FTO: variants seen among roughly 807,000 people sequenced by gnomAD.
FTO encodes alpha-ketoglutarate-dependent dioxygenase FTO.
FTO carries 47 observed loss-of-function variants against 63.9 expected under a neutral mutation model. That is an observed-to-expected ratio of 0.74 (90% CI 0.58 to 0.94). The LOEUF (loss-of-function observed/expected upper bound fraction) is 0.94, where lower values mean the gene tolerates loss of function less well. Ranked by LOEUF, FTO falls within the 40% of genes least tolerant of loss-of-function variation. FTO has a pLI of 0.00. For missense variants in FTO, 562 were observed against 618.1 expected (o/e 0.91, Z 0.96); for synonymous variants, 207 against 224.4 (o/e 0.92, Z 0.69).
At chr16:53,941,628 C>T (rs950091836) in intron 8 of FTO, among the ~76,000 whole-genome samples, 1 of 152,076 alleles carries the variant, frequency 6.6e-6, no homozygotes, top group Admixed American at 6.5e-5. Context: ...GGGCAGATTG[C>T]TTGAGCTCAG....
At chr16:53,805,573 T>G (rs562522442) in intron 1 of FTO, among the ~76,000 whole-genome samples, 1 of 151,486 alleles carries the variant, frequency 6.6e-6, no homozygotes. Context: ...CTCAGCCTCC[T>G]GAGTTGCTGG....
intron 8 of FTO, among the ~76,000 whole-genome samples, chr16:54,072,735 C>A (rs2540767): frequency 0.15 from 23,084 of 152,056 alleles, 2,255 homozygotes; most frequent in African/African-American, 0.28. Flanking sequence ...TCACACTGTC[C>A]CCCATCCTAT....
Position 53,862,650 on chromosome 16 carries a change from C to T in FTO, c.896-11136C>T, listed in dbSNP as rs547305812. 2.6e-3 allele frequency among the ~76,000 whole-genome samples: 392 copies of T among 151,542 alleles called. 1 individual carries two copies. The highest frequency in any genetic ancestry group is 8.9e-3 in the African/African-American group (366 of 41,258). ...TCCCAGGTTCAAGCAATTCTCCTGC[C>T]TCTGCCTCCCGAGTAGTTGGGATTA... is the stretch of plus-strand genomic sequence containing the variant. On this transcript the variant is annotated intron_variant, in intron 4 of 8. Coordinates refer to ENST00000471389, the MANE Select transcript of FTO (RefSeq NM_001080432.3).
intron 8 of FTO, among the ~76,000 whole-genome samples, chr16:53,965,542 G>A (rs2083179455): frequency 6.6e-6 from 1 of 152,176 alleles, no homozygotes; most frequent in Non-Finnish European, 1.5e-5. Flanking sequence ...TGGGGATGGA[G>A]GAGAGGTGTC....
At chr16:53,726,171 T>C (rs1413245680) in intron 1 of FTO, among the ~76,000 whole-genome samples, 2 of 68,816 alleles carry the variant, frequency 2.9e-5, no homozygotes, top group Admixed American at 2.3e-4. Context: ...TACGATTTTA[T>C]AAACACTCTA....
chr16:53,840,065 T>C (rs113544775), intron 3 of FTO, among the ~76,000 whole-genome samples: 1 of 151,774 alleles, frequency 6.6e-6, no homozygotes, highest in African/African-American at 2.4e-5. Flanking sequence ...AGCCTCCCAA[T>C]GTGCTGGGAT....
intron 1 of FTO, among the ~76,000 whole-genome samples, chr16:53,726,313 G>T (rs1039139392): frequency 1.3e-5 from 2 of 152,078 alleles, no homozygotes; most frequent in Admixed American, 6.5e-5. Flanking sequence ...GTTGAAACTC[G>T]TCCTTCTTAA....
rs372566932 is a variant in FTO at position 53,857,133 on chromosome 16, T to C, written c.895+12835T>C. On this transcript the variant is annotated intron_variant, in intron 4 of 8. Coordinates refer to ENST00000471389, the MANE Select transcript of FTO (RefSeq NM_001080432.3). ...GGGATACATATGCAGGTTTGTTACA[T>C]GGGTAAATTGCATATTGTAGGGGTT... Among the ~76,000 whole-genome samples, 22 of 152,230 alleles carry C rather than the reference T, an allele frequency of 1.4e-4. No individual in the cohort carries two copies. In the East Asian group the frequency reaches 4.1e-3, roughly 28 times the overall value.
At chr16:54,103,539 C>T (rs550262086) in intron 8 of FTO, among the ~76,000 whole-genome samples, 19 of 152,252 alleles carry the variant, frequency 1.2e-4, no homozygotes, top group African/African-American at 4.3e-4. Context: ...GGTTAAAAGC[C>T]TTTCAAAGAA....
intron 4 of FTO, among the ~76,000 whole-genome samples, chr16:53,849,050 A>G (rs1243642664): frequency 6.6e-6 from 1 of 152,264 alleles, no homozygotes; most frequent in Non-Finnish European, 1.5e-5. Context: ...AGAAAACTGC[A>G]ATAGAAATGT....
chr16:53,849,105 A>G (rs2079714648), intron 4 of FTO, among the ~76,000 whole-genome samples: 1 of 152,212 alleles, frequency 6.6e-6, no homozygotes, highest in African/African-American at 2.4e-5. Flanking sequence ...CCTTGTCAAC[A>G]GTTTAGGGTA....
intron 8 of FTO, among the ~76,000 whole-genome samples, chr16:54,026,825 A>G (rs2144186895): frequency 6.6e-6 from 1 of 152,364 alleles, no homozygotes; most frequent in Non-Finnish European, 1.5e-5. Context: ...AACATTCACA[A>G]CAAACTCTGT....
chr16:53,931,350 A>G (rs2082279328), intron 7 of FTO, among the ~76,000 whole-genome samples: 1 of 132,608 alleles, frequency 7.5e-6, no homozygotes, highest in African/African-American at 2.9e-5. Context: ...CTTGTTGCCC[A>G]GGTTGGAGTG....
intron 2 of FTO, among the ~76,000 whole-genome samples, chr16:53,817,231 G>C (rs1275794524): frequency 4.6e-5 from 7 of 152,172 alleles, no homozygotes; most frequent in Admixed American, 4.6e-4. Context: ...GTGTCATTTT[G>C]TAGCAAAGCA....
intron 2 of FTO, among the ~76,000 whole-genome samples, chr16:53,820,480 C>G (rs1598744775): frequency 6.8e-6 from 1 of 146,134 alleles, no homozygotes; most frequent in East Asian, 2.0e-4. Context: ...GAAAGGTTTC[C>G]TTTTTTTTTT....
At chr16:54,002,282 A>G (rs1367037807) in intron 8 of FTO, among the ~76,000 whole-genome samples, 3 of 152,124 alleles carry the variant, frequency 2.0e-5, no homozygotes, top group Non-Finnish European at 4.4e-5. Flanking sequence ...GGCCTCCTGA[A>G]GTGCTGGGAT....
intron 1 of FTO, among the ~76,000 whole-genome samples, chr16:53,807,060 A>G (rs1290534789): frequency 6.6e-6 from 1 of 152,222 alleles, no homozygotes; most frequent in Non-Finnish European, 1.5e-5. Context: ...TTTACTATTG[A>G]TATCTGATTG....
At chr16:53,908,111 G>A (rs927715231) in intron 7 of FTO, among the ~76,000 whole-genome samples, 3 of 152,302 alleles carry the variant, frequency 2.0e-5, no homozygotes, top group African/African-American at 7.2e-5. Context: ...TGATCATATT[G>A]TAAAATAGAA....
intron 1 of FTO, among the ~76,000 whole-genome samples, chr16:53,807,418 T>C (rs1031610222): frequency 3.3e-5 from 5 of 152,218 alleles, no homozygotes; most frequent in African/African-American, 1.2e-4. Flanking sequence ...CGAAATGAAC[T>C]GAGAAGTGGT....
Sources: gnomAD v4.1 joint callset for allele counts (sites outside exome capture counted in the v4.1 genomes callset) on GRCh38, gnomAD v4.1.1 for gene constraint, MANE v1.5 for transcripts, NCBI Gene and HGNC (gene_info 2026-07-23, HGNC 2026-07-21) for gene names.